Variants in SIDT1 observed in about 807,000 individuals in gnomAD.
The protein encoded by SIDT1 is SID1 transmembrane family member 1.
Under a neutral mutation model 107.5 loss-of-function variants are expected in SIDT1, and 101 were observed. The observed-to-expected ratio is 0.94, with a 90% confidence interval of 0.80 to 1.11. The LOEUF (loss-of-function observed/expected upper bound fraction) is 1.11. Among genes scored for constraint, SIDT1 ranks in the 50% least tolerant of loss-of-function variants. The pLI is 0.00. For synonymous variants in SIDT1, 395 were observed against 398.2 expected, an observed-to-expected ratio of 0.99 and a Z score of 0.10; for missense variants, 1,076 against 1,058.2, an observed-to-expected ratio of 1.02 and a Z score of -0.23.
chr3:113,569,988 C>G (rs1390389443), intron 3 of SIDT1, among the ~76,000 whole-genome samples: 1 of 152,206 alleles, frequency 6.6e-6, no homozygotes, highest in Non-Finnish European at 1.5e-5. Flanking sequence ...TCACTGCAAC[C>G]TCCACCTCCT....
At position 113,580,562 on chromosome 3, in the gene SIDT1, C is replaced by T. The variant is rs770396056; in HGVS notation, c.562-46C>T. 29 of 1,198,834 alleles carry T rather than the reference C, an allele frequency of 2.4e-5. No individual in the cohort carries two copies. In the South Asian group the frequency reaches 3.5e-4, roughly 15 times the overall value. The allele number at this position is 1,198,834 out of a possible 1,614,324, so 74.3% of individuals were successfully genotyped here. A position where few individuals can be genotyped will look rare whatever the true frequency, so the allele number is the denominator to read the frequency against. On this transcript the variant is annotated intron_variant, in intron 4 of 24. Transcript: ENST00000264852. The stretch of plus-strand genomic sequence containing the variant: ...GTGCCTAATAGTAGAGGAAACAATC[C>T]CATTCATGTAAATATAAATCATGTC...
At chr3:113,535,236 T>C (rs567581635) in intron 1 of SIDT1, among the ~76,000 whole-genome samples, 1 of 152,192 alleles carries the variant, frequency 6.6e-6, no homozygotes, top group South Asian at 2.1e-4. Context: ...CTCTTGCCAC[T>C]GTACTCCCAC....
At chr3:113,635,388 G>A in the SIDT1 span, among the ~76,000 whole-genome samples, 1 of 152,266 alleles carries the variant, frequency 6.6e-6, no homozygotes, top group South Asian at 2.1e-4. Context: ...GTTGTCAAGA[G>A]TCTAAAAGTT....
At position 113,607,290 on chromosome 3, in the gene SIDT1, G is replaced by A. The variant is rs1945405893; in HGVS notation, c.1478+176G>A. ...GTATGCTCCTCCCGTTCCTGTATGTGGTTCTCAGGAAACATTCCTTAGCAT... is the reference window on the plus strand; with the variant it reads ...GTATGCTCCTCCCGTTCCTGTATGTAGTTCTCAGGAAACATTCCTTAGCAT... On this transcript the variant is annotated intron_variant, in intron 15 of 24. Coordinates refer to ENST00000264852, the MANE Select transcript of SIDT1 (RefSeq NM_017699.3). 1.3e-5 allele frequency among the ~76,000 whole-genome samples: 2 copies of A among 152,184 alleles called. 1 individual carries two copies. Among genetic ancestry groups the A allele is most frequent in the Admixed American group, 1.3e-4 (2 of 15,286 alleles).
intron 1 of SIDT1, among the ~76,000 whole-genome samples, chr3:113,540,526 C>G (rs1938695547): frequency 6.6e-6 from 1 of 152,150 alleles, no homozygotes; most frequent in South Asian, 2.1e-4. Context: ...AGTGAAATTA[C>G]TGTGCTTTAA....
chr3:113,630,950 C>T (rs367878846), downstream of SIDT1, among the ~76,000 whole-genome samples: 14 of 152,252 alleles, frequency 9.2e-5, 1 homozygote, highest in East Asian at 1.9e-3. Context: ...AGGCCCTGAA[C>T]AGGTTGGGAG....
At chr3:113,592,904 G>A (rs1011711745) in intron 9 of SIDT1, 101 bp from the exon 10 acceptor site, 1 of 962,710 alleles carries the variant, frequency 1.0e-6, no homozygotes, top group Non-Finnish European at 1.7e-6. Flanking sequence ...ATGTTTTGAA[G>A]AGATCCTAGT....
At chr3:113,601,868 C>T in intron 11 of SIDT1, 1 of 487,376 alleles carries the variant, frequency 2.1e-6, no homozygotes, top group East Asian at 3.5e-5. Flanking sequence ...TTTCTTGGAT[C>T]TGCTAGCCCC....
At chr3:113,573,863 GT>G (rs1942682907) in intron 3 of SIDT1, among the ~76,000 whole-genome samples, 1 of 152,178 alleles carries the variant, frequency 6.6e-6, no homozygotes, top group South Asian at 2.1e-4. Context: ...CAGTATTTTT[GT>G]TATAGCTGCC....
Position 113,628,010 on chromosome 3 carries a change from C to G in SIDT1, c.*302C>G, listed in dbSNP as rs1946964676. On this transcript the variant is annotated 3_prime_UTR_variant, in exon 25 of 25. Transcript: ENST00000264852. ...CACTGCATCCAAGTCAACTCACCATCTTGGGGTCCCTCCCACCCTCACGGA... is the reference window on the plus strand; with the variant it reads ...CACTGCATCCAAGTCAACTCACCATGTTGGGGTCCCTCCCACCCTCACGGA... 5.3e-6 allele frequency: 2 copies of G among 380,122 alleles called. No individual in the cohort carries two copies. The highest frequency in any genetic ancestry group is 8.4e-5 in the Admixed American group (2 of 23,738). The allele number at this position is 380,122 out of a possible 1,614,324, so 23.5% of individuals were successfully genotyped here. A position where few individuals can be genotyped will look rare whatever the true frequency, so the allele number is the denominator to read the frequency against.
intron 21 of SIDT1, among the ~76,000 whole-genome samples, chr3:113,620,364 ATTATT>A (rs890698282): frequency 2.0e-5 from 3 of 152,158 alleles, no homozygotes; most frequent in Non-Finnish European, 2.9e-5. Context: ...GCTAGCCACC[ATTATT>A]TTATGCAATC....
At chr3:113,632,187 G>T (rs921711381), downstream of SIDT1, among the ~76,000 whole-genome samples, 1 of 152,160 alleles carries the variant, frequency 6.6e-6, no homozygotes, top group Non-Finnish European at 1.5e-5. Flanking sequence ...GATTTAAACA[G>T]TGAAAGATTT....
intron 9 of SIDT1, among the ~76,000 whole-genome samples, chr3:113,590,678 C>A (rs1436694981): frequency 6.6e-6 from 1 of 151,908 alleles, no homozygotes; most frequent in Admixed American, 6.6e-5. Flanking sequence ...AATGAGCAAT[C>A]CAAAAATAAA....
intron 3 of SIDT1, among the ~76,000 whole-genome samples, chr3:113,575,369 A>T (rs960611760): frequency 1.3e-5 from 2 of 152,242 alleles, no homozygotes; most frequent in African/African-American, 4.8e-5. Flanking sequence ...TGAAGGTCTC[A>T]TGTTGCCCTG....
At chr3:113,588,846 C>A (rs1943933496) in intron 9 of SIDT1, 1 of 151,012 alleles carries the variant, frequency 6.6e-6, no homozygotes, top group East Asian at 1.9e-4. Context: ...TGGCACACAG[C>A]AATACATGTT....
rs746032636 is a variant in SIDT1 at position 113,533,062 on chromosome 3, C to T, written c.41C>T (p.Pro14Leu). 1.2e-5 allele frequency: 18 copies of T among 1,486,646 alleles called. No individual in the cohort carries two copies. In the Admixed American group the frequency reaches 3.2e-4, roughly 26 times the overall value. 92.1% of individuals were successfully genotyped at this position (1,486,646 alleles called of 1,614,324 possible). The change falls in exon 1 of 25, where the codon CCC becomes CTC. Residue 14 changes from proline to leucine, a missense_variant. Transcript: ENST00000264852. ...CLRLALLCAL[P>L]WLLLAASPGH... is the part of the protein sequence containing the mutation. The stretch of plus-strand genomic sequence containing the variant: ...CGGCTCGCGCTGCTCTGCGCGCTGC[C>T]CTGGCTCCTGCTGGCGGCGTCGCCC...
At chr3:113,534,414 C>G (rs1937861426) in intron 1 of SIDT1, among the ~76,000 whole-genome samples, 1 of 152,170 alleles carries the variant, frequency 6.6e-6, no homozygotes, top group African/African-American at 2.4e-5. Flanking sequence ...AGTGTGGCAC[C>G]AAATCCTATG....
At chr3:113,589,175 T>C (rs1943960776) in intron 9 of SIDT1, among the ~76,000 whole-genome samples, 1 of 152,248 alleles carries the variant, frequency 6.6e-6, no homozygotes, top group Non-Finnish European at 1.5e-5. Flanking sequence ...GAAATGAAGA[T>C]GTAGACTCTA....
intron 9 of SIDT1, among the ~76,000 whole-genome samples, chr3:113,592,167 G>A (rs901876867): frequency 2.0e-5 from 3 of 152,172 alleles, no homozygotes; most frequent in African/African-American, 7.2e-5. Context: ...CTGGTCATGG[G>A]TTTGAGATTT....
Sources: gnomAD v4.1 joint callset for allele counts (sites outside exome capture counted in the v4.1 genomes callset) on GRCh38, gnomAD v4.1.1 for gene constraint, MANE v1.5 for transcripts, NCBI Gene and HGNC (gene_info 2026-07-23, HGNC 2026-07-21) for gene names.